Variants in NMT2 observed in about 807,000 individuals in gnomAD.
The protein encoded by NMT2 is glycylpeptide N-tetradecanoyltransferase 2.
A neutral mutation model predicts 65.4 loss-of-function variants in NMT2; 35 were observed. The ratio of observed to expected loss-of-function variants is 0.54; its 90% CI spans 0.41 to 0.71. The LOEUF is 0.71. NMT2 is among the 30% of genes least tolerant of loss of function. The pLI is 0.00. For synonymous variants in NMT2, 226 were observed against 231.8 expected, an observed-to-expected ratio of 0.98 and a Z score of 0.23; for missense variants, 489 against 611.3, an observed-to-expected ratio of 0.80 and a Z score of 2.11.
chr10:15,112,773 G>C, intron 10 of NMT2, 23 bp downstream of exon 10: 1 of 1,589,836 alleles, frequency 6.3e-7, no homozygotes, highest in Non-Finnish European at 8.6e-7. Flanking sequence ...ACCAAACGGC[G>C]TGAACAGGAA....
chr10:15,132,276 G>GT (rs60706094), intron 6 of NMT2, among the ~76,000 whole-genome samples: 12 of 150,632 alleles, frequency 8.0e-5, no homozygotes, highest in South Asian at 2.1e-4. Flanking sequence ...TTCACAGTCC[G>GT]TTTTTTTTTC....
At position 15,161,415 on chromosome 10, in the gene NMT2, A is replaced by G. The variant is rs533572894; in HGVS notation, c.110+7088T>C. Among the ~76,000 whole-genome samples, 13 of 152,202 alleles carry G rather than the reference A, an allele frequency of 8.5e-5. No individual in the cohort carries two copies. In the South Asian group the frequency reaches 2.7e-3, roughly 32 times the overall value. ...CGCCCAGGCTGGAGTGCAATGGTGC[A>G]ATCTCGACTCACTGCAACCTCCACC... On this transcript the variant is annotated intron_variant, in intron 1 of 11. Transcript: ENST00000378165.
chr10:15,138,644 A>G (rs1412196808), intron 2 of NMT2, among the ~76,000 whole-genome samples: 6 of 152,348 alleles, frequency 3.9e-5, no homozygotes, highest in African/African-American at 1.2e-4. Flanking sequence ...TCCAAGTTTT[A>G]TAACACTAAG....
intron 1 of NMT2, among the ~76,000 whole-genome samples, chr10:15,151,190 C>T (rs948370511): frequency 5.3e-5 from 8 of 152,096 alleles, no homozygotes; most frequent in Middle Eastern, 3.4e-3. Flanking sequence ...TCCCAAGTAG[C>T]TGGGATTACA....
At chr10:15,166,830 G>T (rs922974623) in intron 1 of NMT2, among the ~76,000 whole-genome samples, 1 of 152,174 alleles carries the variant, frequency 6.6e-6, no homozygotes, top group Non-Finnish European at 1.5e-5. Flanking sequence ...GGTGTCGGGG[G>T]ACAGGCTCAG....
At chr10:15,110,779 T>C (rs1045200836) in intron 10 of NMT2, among the ~76,000 whole-genome samples, 4 of 152,190 alleles carry the variant, frequency 2.6e-5, no homozygotes, top group Non-Finnish European at 5.9e-5. Flanking sequence ...ATTTTATTTA[T>C]GTTTTATTTA....
chr10:15,149,904 C>T (rs141515225), intron 1 of NMT2, among the ~76,000 whole-genome samples: 1,781 of 152,258 alleles, frequency 0.012, 16 homozygotes, highest in Non-Finnish European at 0.021. Context: ...CTTGGGTTGA[C>T]CATCTTTTCA....
intron 2 of NMT2, chr10:15,141,014 G>A: frequency 6.4e-7 from 1 of 1,550,890 alleles, no homozygotes; most frequent in Non-Finnish European, 8.7e-7. Context: ...GAAATCTGCT[G>A]CCAGATGGTG....
At chr10:15,144,593 T>C (rs1846893871) in intron 1 of NMT2, among the ~76,000 whole-genome samples, 2 of 151,894 alleles carry the variant, frequency 1.3e-5, no homozygotes, top group South Asian at 2.1e-4. Flanking sequence ...TTGCTGGGCG[T>C]GGTGGCGGGC....
At chr10:15,119,286 C>A (rs544525921) in intron 9 of NMT2, 57 bp downstream of exon 9, 3 of 1,500,252 alleles carry the variant, frequency 2.0e-6, no homozygotes, top group Non-Finnish European at 2.8e-6. Flanking sequence ...TTCTGCTGCA[C>A]GCTGAACACA....
At chr10:15,141,109 T>C in intron 2 of NMT2, 3 of 1,312,674 alleles carry the variant, frequency 2.3e-6, no homozygotes, top group Non-Finnish European at 3.2e-6. Context: ...AATATTAAAG[T>C]GTAATTTCAA....
intron 8 of NMT2, among the ~76,000 whole-genome samples, chr10:15,121,760 T>C (rs1006853772): frequency 2.6e-5 from 4 of 152,182 alleles, no homozygotes; most frequent in Non-Finnish European, 5.9e-5. Flanking sequence ...GCTGATTGAT[T>C]ATCGATTAGC....
intron 1 of NMT2, among the ~76,000 whole-genome samples, chr10:15,166,419 A>G (rs1316239858): frequency 1.3e-5 from 2 of 152,192 alleles, no homozygotes; most frequent in African/African-American, 4.8e-5. Flanking sequence ...AGTCTTTCAA[A>G]TTTTAACATT....
At chr10:15,122,008 C>A (rs1423162095) in intron 8 of NMT2, among the ~76,000 whole-genome samples, 2 of 152,094 alleles carry the variant, frequency 1.3e-5, no homozygotes, top group African/African-American at 4.8e-5. Flanking sequence ...CAGATCTCCA[C>A]TGGAAATAAA....
chr10:15,106,732 T>A lies in NMT2; in HGVS notation c.*2463A>T. 5.0e-6 allele frequency: 4 copies of A among 797,698 alleles called. No homozygotes were observed. The highest frequency in any genetic ancestry group is 6.1e-6 in the Non-Finnish European group (4 of 658,304). 49.4% of individuals were successfully genotyped at this position (797,698 alleles called of 1,614,324 possible). A position where few individuals can be genotyped will look rare whatever the true frequency, so the allele number is the denominator to read the frequency against. ...GACCAGAGAGTGAATATCTTAGGCT[T>A]TGCAGGCCACACAATCTGTCACAAC... On this transcript the variant is annotated 3_prime_UTR_variant, in exon 12 of 12. Transcript: ENST00000378165.
intron 1 of NMT2, among the ~76,000 whole-genome samples, chr10:15,161,727 A>G (rs1833205896): frequency 1.3e-5 from 2 of 152,168 alleles, no homozygotes; most frequent in South Asian, 4.1e-4. Context: ...GAAAGTCTAA[A>G]ATGTTTTTGT....
intron 1 of NMT2, among the ~76,000 whole-genome samples, chr10:15,152,956 G>T (rs997899273): frequency 6.6e-6 from 1 of 152,194 alleles, no homozygotes; most frequent in African/African-American, 2.4e-5. Context: ...CTACCTTACT[G>T]TCTACTAATA....
chr10:15,137,932 A>G (rs1846574886), intron 2 of NMT2, among the ~76,000 whole-genome samples: 1 of 151,762 alleles, frequency 6.6e-6, no homozygotes, highest in Non-Finnish European at 1.5e-5. Context: ...ACACCTCTAC[A>G]TGAAATGTCC....
intron 8 of NMT2, among the ~76,000 whole-genome samples, chr10:15,126,283 G>T (rs916543903): frequency 2.6e-5 from 4 of 152,018 alleles, no homozygotes; most frequent in Non-Finnish European, 5.9e-5. Context: ...ACAAAAATTA[G>T]CTGGGCGTGG....
Sources: allele counts gnomAD v4.1 joint callset (sites outside exome capture counted in the v4.1 genomes callset), GRCh38; gene constraint gnomAD v4.1.1; transcripts MANE v1.5; gene names NCBI Gene and HGNC (gene_info 2026-07-23, HGNC 2026-07-21).